RNF170: variants seen among roughly 807,000 people sequenced by gnomAD.
RNF170 encodes the protein ring finger protein 170.
RNF170 carries 12 observed loss-of-function variants against 32.7 expected under a neutral mutation model. That is an observed-to-expected ratio of 0.37 (90% CI 0.24 to 0.60). RNF170 has a LOEUF of 0.60. Among genes scored for constraint, RNF170 ranks in the 20% least tolerant of loss-of-function variants. The pLI, the probability that RNF170 is intolerant of heterozygous loss-of-function variation, is 0.72. For missense variants in RNF170, 212 were observed against 311.2 expected, an observed-to-expected ratio of 0.68 and a Z score of 2.40; for synonymous variants, 91 against 103.6, an observed-to-expected ratio of 0.88 and a Z score of 0.74.
chr8:42,893,768 G>A (rs895438150), intron 1 of RNF170, among the ~76,000 whole-genome samples: 1 of 152,200 alleles, frequency 6.6e-6, no homozygotes, highest in Non-Finnish European at 1.5e-5. Context: ...CCCCAGAGCT[G>A]CTCCACATAG....
At chr8:42,858,999 A>G (rs1803453329) in intron 6 of RNF170, among the ~76,000 whole-genome samples, 1 of 152,064 alleles carries the variant, frequency 6.6e-6, no homozygotes, top group South Asian at 2.1e-4. Context: ...CCTGGCCAAC[A>G]TGGCGAAACC....
intron 3 of RNF170, 60 bp downstream of exon 3, chr8:42,873,871 C>T: frequency 1.1e-6 from 1 of 943,500 alleles, no homozygotes; most frequent in Non-Finnish European, 1.7e-6. Flanking sequence ...TGTTTTATCA[C>T]AATTTCACAT....
At chr8:42,880,876 C>T (rs533705236) in intron 2 of RNF170, among the ~76,000 whole-genome samples, 7 of 152,304 alleles carry the variant, frequency 4.6e-5, no homozygotes, top group Middle Eastern at 3.4e-3. Flanking sequence ...AAAAACATTA[C>T]GACTTGCTGA....
intron 6 of RNF170, among the ~76,000 whole-genome samples, chr8:42,860,220 T>C (rs1185695945): frequency 3.3e-5 from 5 of 152,138 alleles, no homozygotes; most frequent in Non-Finnish European, 5.9e-5. Flanking sequence ...CCATATAAAT[T>C]TGGATTTAGT....
rs762040240 is a variant in RNF170, at chr8:42,896,473, G to A, written c.-8+11C>T. 3 of 453,676 alleles carry A rather than the reference G, an allele frequency of 6.6e-6. No individual in the cohort carries two copies. The highest frequency in any genetic ancestry group is 3.1e-5 in the South Asian group (2 of 64,454). 28.1% of individuals were successfully genotyped at this position (453,676 alleles called of 1,614,324 possible). ...GATAGGGTGGGCGTGGCCGCCGCGC[G>A]CCGGACGTACCTCTCCACCGCGAAG... On this transcript the variant is annotated intron_variant, in intron 1 of 6. Coordinates refer to ENST00000527424, the MANE Select transcript of RNF170 (RefSeq NM_030954.4).
intron 3 of RNF170, 87 bp downstream of exon 3, chr8:42,873,843 CA>C: frequency 1.2e-6 from 1 of 811,842 alleles, no homozygotes; most frequent in Non-Finnish European, 2.1e-6. Flanking sequence ...CCCATGTTTC[CA>C]AAAAGTAATT....
At chr8:42,876,272 A>G (rs1390248583) in intron 2 of RNF170, among the ~76,000 whole-genome samples, 1 of 151,340 alleles carries the variant, frequency 6.6e-6, no homozygotes, top group Non-Finnish European at 1.5e-5. Flanking sequence ...ATATTCTACC[A>G]CCAGATTTAA....
At chr8:42,896,924 C>T (rs575760144), upstream of RNF170, 18 of 381,260 alleles carry the variant, frequency 4.7e-5, no homozygotes, top group African/African-American at 2.9e-4. Flanking sequence ...TCGCGCGCGG[C>T]TGGCGCGCGG....
At chr8:42,890,367 T>TGGG (rs1339926138) in intron 1 of RNF170, among the ~76,000 whole-genome samples, 1 of 151,532 alleles carries the variant, frequency 6.6e-6, no homozygotes, top group East Asian at 1.9e-4. Flanking sequence ...AAGCTCTGCC[T>TGGG]CCCGGGTTCT....
intron 1 of RNF170, among the ~76,000 whole-genome samples, chr8:42,895,607 T>C (rs779511984): frequency 6.6e-5 from 10 of 152,248 alleles, no homozygotes; most frequent in Non-Finnish European, 1.3e-4. Context: ...AGCCATGTTC[T>C]GAGTGGCCTC....
downstream of RNF170, chr8:42,850,871 C>A: frequency 6.4e-7 from 1 of 1,551,608 alleles, no homozygotes; most frequent in Non-Finnish European, 8.7e-7. Flanking sequence ...AGCATTCGGT[C>A]ATGGGGTATA....
chr8:42,859,475 A>G (rs1803494404), intron 6 of RNF170, among the ~76,000 whole-genome samples: 1 of 152,008 alleles, frequency 6.6e-6, no homozygotes, highest in Non-Finnish European at 1.5e-5. Context: ...TCTCTATAAA[A>G]AATTAGCCGG....
At chr8:42,897,194 TG>T, upstream of RNF170, 1 of 1,239,258 alleles carries the variant, frequency 8.1e-7, no homozygotes. Flanking sequence ...CTTGGGTACG[TG>T]GGGGCCGCGG....
intron 6 of RNF170, among the ~76,000 whole-genome samples, chr8:42,859,426 G>C (rs758828896): frequency 6.6e-6 from 1 of 152,002 alleles, no homozygotes. Flanking sequence ...CTTGAGCCCA[G>C]GAGTTCAAGG....
At chr8:42,875,968 T>A (rs543393803) in intron 2 of RNF170, among the ~76,000 whole-genome samples, 30 of 152,256 alleles carry the variant, frequency 2.0e-4, no homozygotes, top group South Asian at 1.0e-3. Context: ...ACTCACTATA[T>A]GAAAGCACCC....
intron 2 of RNF170, among the ~76,000 whole-genome samples, chr8:42,876,884 T>C (rs1361344033): frequency 6.6e-6 from 1 of 151,872 alleles, no homozygotes; most frequent in Non-Finnish European, 1.5e-5. Flanking sequence ...CTCAATCTCC[T>C]GACCTCATGA....
Position 42,883,483 on chromosome 8 carries a change from C to T in RNF170, c.137+4245G>A, listed in dbSNP as rs572861821. On this transcript the variant is annotated intron_variant, in intron 2 of 6. Coordinates refer to ENST00000527424, the MANE Select transcript of RNF170 (RefSeq NM_030954.4). ...ACTCAGGAGGCTGAGGCAGAAGAAT[C>T]GCTTGAACCCGGGAGGCGGAGCTTG... Among the ~76,000 whole-genome samples the T allele has an allele frequency of 1.7e-4, 24 of 145,124 alleles. No homozygotes were observed. The South Asian group carries it at 4.3e-3, about 26-fold the overall frequency.
rs1206448241 is a variant in RNF170, at chr8:42,874,598, CGGGCTTGGTGGCG to C, written c.138-605_138-593del. On this transcript the variant is annotated intron_variant, in intron 2 of 6. Coordinates refer to ENST00000527424, the MANE Select transcript of RNF170 (RefSeq NM_030954.4). ...CTTTACTAAAAATACAAAAATTAGC[CGGGCTTGGTGGCG>C]GGCGCCTGTAATCTCAGCTACTCAG... is the stretch of plus-strand genomic sequence containing the variant. Among the ~76,000 whole-genome samples the C allele has an allele frequency of 3.3e-5, 5 of 151,774 alleles. No homozygotes were observed. The East Asian group carries it at 9.7e-4, about 30-fold the overall frequency.
upstream of RNF170, chr8:42,896,669 C>A (rs1201546302): frequency 6.7e-6 from 3 of 450,374 alleles, no homozygotes; most frequent in Non-Finnish European, 1.3e-5. Flanking sequence ...GGAGGAGGAC[C>A]CGTCGCCGCA....
Sources: gnomAD v4.1 joint callset for allele counts (sites outside exome capture counted in the v4.1 genomes callset) on GRCh38, gnomAD v4.1.1 for gene constraint, MANE v1.5 for transcripts, NCBI Gene and HGNC (gene_info 2026-07-23, HGNC 2026-07-21) for gene names.